PRKX: variants seen among roughly 807,000 people sequenced by gnomAD.
PRKX encodes protein kinase cAMP-dependent X-linked catalytic subunit.
PRKX carries 12 observed loss-of-function variants against 22.0 expected under a neutral mutation model. That is an observed-to-expected ratio of 0.54 (90% CI 0.35 to 0.88). The LOEUF (loss-of-function observed/expected upper bound fraction) is 0.88, where lower values mean the gene tolerates loss of function less well. Ranked by LOEUF, PRKX falls within the 40% of genes least tolerant of loss-of-function variation. The pLI, the probability that PRKX is intolerant of heterozygous loss-of-function variation, is 0.01. For synonymous variants in PRKX, 134 were observed against 137.7 expected (o/e 0.97, Z 0.19); for missense variants, 217 against 308.0 (o/e 0.70, Z 2.21).
chrX:3,650,429 G>A (rs1483981279), intron 3 of PRKX, among the ~76,000 whole-genome samples: 5 of 98,280 alleles, frequency 5.1e-5, no homozygotes, highest in Non-Finnish European at 9.9e-5. Flanking sequence ...GCTGAGGCAG[G>A]AGAATGGCGT....
At chrX:3,617,343 A>T (rs1926448941) in intron 6 of PRKX, among the ~76,000 whole-genome samples, 1 of 110,218 alleles carries the variant, frequency 9.1e-6, no homozygotes, top group South Asian at 3.9e-4. Context: ...TGTGTGTGTT[A>T]TATAAAGTGT....
At chrX:3,704,294 A>G (rs1928639221) in intron 1 of PRKX, among the ~76,000 whole-genome samples, 1 of 112,178 alleles carries the variant, frequency 8.9e-6, no homozygotes, top group African/African-American at 3.2e-5. Context: ...TTTCTGTGCA[A>G]ACAATCTGCC....
chrX:3,663,841 G>A (rs1927664225), intron 2 of PRKX, among the ~76,000 whole-genome samples: 1 of 111,035 alleles, frequency 9.0e-6, no homozygotes, highest in Admixed American at 9.6e-5. Context: ...AGGCATCTGA[G>A]CAGAAGGCTC....
At chrX:3,700,796 T>C (rs1359567679) in intron 1 of PRKX, among the ~76,000 whole-genome samples, 1 of 110,436 alleles carries the variant, frequency 9.1e-6, no homozygotes, top group African/African-American at 3.3e-5. Context: ...TTTCACCATG[T>C]TGCCGAGGCT....
rs753677394 is a variant in PRKX, at chrX:3,615,810, T to C, written c.951+5A>G. ...TACTGAGTCACCCACTGATATGTGT[T>C]GTACCTTCAGTTTTCTCTGCGGAAC... On this transcript the variant is annotated splice_donor_5th_base_variant and intron_variant, in intron 7 of 8. Transcript: ENST00000262848. The C allele has an allele frequency of 1.2e-5, 14 of 1,197,525 alleles. No homozygotes were observed. In the East Asian group the frequency reaches 4.2e-4, roughly 36 times the overall value.
intron 4 of PRKX, among the ~76,000 whole-genome samples, chrX:3,637,755 T>C (rs1336049686): frequency 9.8e-6 from 1 of 102,045 alleles, no homozygotes; most frequent in Non-Finnish European, 2.0e-5. Flanking sequence ...TAATTATTCA[T>C]TTTCTTTCTT....
At position 3,613,150 on chromosome X, in the gene PRKX, C is replaced by CAAAAAAAAAAAAAAAAAAAA; in HGVS notation, c.952-845_952-826dup. 6.4e-4 allele frequency among the ~76,000 whole-genome samples: 35 copies of CAAAAAAAAAAAAAAAAAAAA among 54,320 alleles called. 4 individuals are homozygous for CAAAAAAAAAAAAAAAAAAAA. Among genetic ancestry groups the CAAAAAAAAAAAAAAAAAAAA allele is most frequent in the Admixed American group, 1.2e-3 (4 of 3,220 alleles). 47.2% of individuals were successfully genotyped at this position (54,320 alleles called of 115,157 possible). A position where few individuals can be genotyped will look rare whatever the true frequency, so the allele number is the denominator to read the frequency against. ...TGGGCAACGGAGCAAGACTTCGTCT[C>CAAAAAAAAAAAAAAAAAAAA]AAAAAAAAAAAAAAAAAAAAAAAAA... On this transcript the variant is annotated intron_variant, in intron 7 of 8. Coordinates refer to ENST00000262848, the MANE Select transcript of PRKX (RefSeq NM_005044.5).
intron 6 of PRKX, among the ~76,000 whole-genome samples, chrX:3,617,203 A>C (rs1926443523): frequency 9.2e-6 from 1 of 109,173 alleles, no homozygotes; most frequent in African/African-American, 3.3e-5. Flanking sequence ...ATACTTATAT[A>C]CATACACGTT....
chrX:3,684,736 C>T (rs7060546), intron 1 of PRKX, among the ~76,000 whole-genome samples: 37 of 111,127 alleles, frequency 3.3e-4, no homozygotes, highest in Non-Finnish European at 6.0e-4. Context: ...CTAGGCTTGT[C>T]GATGCCATCT....
chrX:3,635,966 A>C (rs1183085363), intron 4 of PRKX, among the ~76,000 whole-genome samples: 3 of 112,225 alleles, frequency 2.7e-5, no homozygotes, highest in African/African-American at 9.7e-5. Flanking sequence ...ATAGGATGGA[A>C]GAAATCGGAG....
At chrX:3,643,171 A>C in intron 3 of PRKX, among the ~76,000 whole-genome samples, 1 of 97,049 alleles carries the variant, frequency 1.0e-5, no homozygotes, top group Admixed American at 1.2e-4. Context: ...ACAGAAATAC[A>C]CTTCCTCCCC....
At chrX:3,701,881 T>C (rs112006028) in intron 1 of PRKX, among the ~76,000 whole-genome samples, 2,568 of 111,975 alleles carry the variant, frequency 0.023, 44 homozygotes, top group Middle Eastern at 0.13. Context: ...GAAGTTACCC[T>C]ATTTGGTCTA....
intron 1 of PRKX, among the ~76,000 whole-genome samples, chrX:3,700,849 C>G (rs1298792602): frequency 9.0e-6 from 1 of 111,509 alleles, no homozygotes; most frequent in East Asian, 2.8e-4. Flanking sequence ...CTCCACCCAC[C>G]TCAACCTCCC....
chrX:3,682,224 T>C (rs1444912794), intron 1 of PRKX, among the ~76,000 whole-genome samples: 1 of 110,573 alleles, frequency 9.0e-6, no homozygotes, highest in Non-Finnish European at 1.9e-5. Context: ...GCTGACACCA[T>C]CTGAGCCCAG....
At chrX:3,625,003 G>C (rs1240915961) in intron 5 of PRKX, among the ~76,000 whole-genome samples, 1 of 111,149 alleles carries the variant, frequency 9.0e-6, no homozygotes, top group East Asian at 2.8e-4. Flanking sequence ...GGGCCTGAGA[G>C]AGAGGTTCTA....
chrX:3,622,177 AC>A (rs1926571208), intron 5 of PRKX, among the ~76,000 whole-genome samples: 2 of 109,859 alleles, frequency 1.8e-5, no homozygotes, highest in Admixed American at 2.0e-4. Flanking sequence ...AACAACGACA[AC>A]AAAAAACAGC....
At position 3,694,420 on chromosome X, in the gene PRKX, T is replaced by TAAA. The variant is rs759187761; in HGVS notation, c.166+18667_166+18668insTTT. Among the ~76,000 whole-genome samples the TAAA allele has an allele frequency of 3.4e-3, 377 of 109,562 alleles. 5 individuals carry two copies. Among genetic ancestry groups the TAAA allele is most frequent in the African/African-American group, 0.012 (364 of 30,178 alleles). On this transcript the variant is annotated intron_variant, in intron 1 of 8. Coordinates refer to ENST00000262848, the MANE Select transcript of PRKX (RefSeq NM_005044.5). ...AATAAAAAATAAATAAATAAATAAA[T>TAAA]TATTTAAAAAAATAAAGAGCCAGAT...
At chrX:3,670,552 G>T (rs908339499) in intron 2 of PRKX, among the ~76,000 whole-genome samples, 1 of 111,511 alleles carries the variant, frequency 9.0e-6, no homozygotes, top group Non-Finnish European at 1.9e-5. Context: ...ATTGTTTTTC[G>T]GATTCTTTTT....
At chrX:3,621,342 A>T in intron 5 of PRKX, 26 bp from the exon 6 acceptor site, 1 of 1,170,282 alleles carries the variant, frequency 8.5e-7, no homozygotes, top group Non-Finnish European at 1.2e-6. Context: ...AGACAAAAAA[A>T]AAAAAAGTAC....
Sources: allele counts gnomAD v4.1 joint callset (sites outside exome capture counted in the v4.1 genomes callset), GRCh38; gene constraint gnomAD v4.1.1; transcripts MANE v1.5; gene names NCBI Gene and HGNC (gene_info 2026-07-23, HGNC 2026-07-21).